The following NUTF2 variants were observed in gnomAD, a reference collection of about 807,000 sequenced individuals.
NUTF2 encodes placental protein 15.
In NUTF2, 3 loss-of-function variants were observed where a neutral mutation model predicts 18.5. That is an observed-to-expected ratio of 0.16 (90% CI 0.07 to 0.42). The LOEUF (loss-of-function observed/expected upper bound fraction) is 0.42. Among genes scored for constraint, NUTF2 ranks in the 10% least tolerant of loss-of-function variants. The pLI is 0.99. For synonymous variants in NUTF2, 51 were observed against 57.9 expected (o/e 0.88, Z 0.54); for missense variants, 44 against 160.7 (o/e 0.27, Z 3.93).
chr16:67,862,840 C>T (rs562383438), intron 1 of NUTF2, among the ~76,000 whole-genome samples: 3 of 152,250 alleles, frequency 2.0e-5, no homozygotes, highest in Admixed American at 6.5e-5. Flanking sequence ...TTTCATGCCC[C>T]GGGACATTTG....
chr16:67,847,876 T>A (rs1297782319), intron 1 of NUTF2: 2 of 152,250 alleles, frequency 1.3e-5, no homozygotes, highest in Non-Finnish European at 2.9e-5. Flanking sequence ...TTCTTGAGCC[T>A]AGTGCTAAAC....
At chr16:67,852,837 G>A (rs1425135351) in intron 1 of NUTF2, among the ~76,000 whole-genome samples, 1 of 151,308 alleles carries the variant, frequency 6.6e-6, no homozygotes, top group Non-Finnish European at 1.5e-5. Flanking sequence ...GTGCCACCAC[G>A]CCTGGCTAAT....
At chr16:67,849,510 T>C (rs2151293228) in intron 1 of NUTF2, among the ~76,000 whole-genome samples, 1 of 150,362 alleles carries the variant, frequency 6.7e-6, no homozygotes, top group Non-Finnish European at 1.5e-5. Context: ...CCTGGCTAAT[T>C]TCTGTATTTT....
intron 4 of NUTF2, among the ~76,000 whole-genome samples, chr16:67,869,571 A>C (rs2057997701): frequency 6.6e-6 from 1 of 151,430 alleles, no homozygotes; most frequent in Non-Finnish European, 1.5e-5. Flanking sequence ...AGATTACCTG[A>C]GGTCAGGAGT....
intron 1 of NUTF2, among the ~76,000 whole-genome samples, chr16:67,853,939 G>A (rs567014084): frequency 7.0e-4 from 107 of 152,196 alleles, no homozygotes; most frequent in Non-Finnish European, 1.3e-3. Context: ...CAGCCACCAC[G>A]CCTGGCCTGT....
intron 1 of NUTF2, among the ~76,000 whole-genome samples, chr16:67,855,389 C>G (rs1003275317): frequency 6.6e-6 from 1 of 152,178 alleles, no homozygotes; most frequent in African/African-American, 2.4e-5. Flanking sequence ...TGCTGGCTGA[C>G]CAGTGGCCAA....
intron 1 of NUTF2, chr16:67,855,890 G>GGGGT (rs1555495571): frequency 2.5e-6 from 1 of 396,806 alleles, no homozygotes; most frequent in African/African-American, 2.2e-5. Context: ...TTTTTGGCGG[G>GGGGT]GGGGGGGGAT....
At position 67,865,245 on chromosome 16, in the gene NUTF2, T is replaced by G; in HGVS notation, c.99+16T>G. 1.1e-5 allele frequency: 18 copies of G among 1,576,114 alleles called. No homozygotes were observed. Among genetic ancestry groups the G allele is most frequent in the Middle Eastern group, 1.7e-4 (1 of 5,914 alleles). ...CGCAATTTACGTAAGTTTCCAGCTC[T>G]AGGGCCAGAATGGACCCTAGGGGAT... On this transcript the variant is annotated intron_variant, in intron 2 of 4. Transcript: ENST00000219169.
chr16:67,857,698 G>A (rs2057907075), intron 1 of NUTF2, among the ~76,000 whole-genome samples: 2 of 152,232 alleles, frequency 1.3e-5, no homozygotes, highest in African/African-American at 2.4e-5. Context: ...AGTGGAGCAG[G>A]CTAGAGGCCA....
chr16:67,849,410 C>T (rs545233187), intron 1 of NUTF2, among the ~76,000 whole-genome samples: 39 of 152,186 alleles, frequency 2.6e-4, no homozygotes, highest in Non-Finnish European at 3.5e-4. Flanking sequence ...GGTGCGATGT[C>T]GGCTCACTGC....
At chr16:67,852,461 A>G (rs558749430) in intron 1 of NUTF2, among the ~76,000 whole-genome samples, 4 of 151,354 alleles carry the variant, frequency 2.6e-5, no homozygotes, top group East Asian at 3.9e-4. Flanking sequence ...GGTTCAAGCA[A>G]TTCTCCTGTG....
chr16:67,865,119 T>TGAC lies in NUTF2; in HGVS notation c.-10_-8dup. On this transcript the variant is annotated 5_prime_UTR_variant, in exon 2 of 5. Transcript: ENST00000219169. ...TCTTGCAGGTCTCCGTGAGGCCGGGTGACGCTCCAGAATGGGAGACAAGCC... is the reference window on the plus strand; with the variant it reads ...TCTTGCAGGTCTCCGTGAGGCCGGGTGACGACGCTCCAGAATGGGAGACAAGCC... 2 of 1,598,954 alleles carry TGAC rather than the reference T, an allele frequency of 1.3e-6. No individual in the cohort carries two copies. Among genetic ancestry groups the TGAC allele is most frequent in the Non-Finnish European group, 1.7e-6 (2 of 1,168,000 alleles).
intron 1 of NUTF2, among the ~76,000 whole-genome samples, chr16:67,850,004 C>T (rs1267044035): frequency 2.0e-5 from 3 of 151,850 alleles, no homozygotes; most frequent in Non-Finnish European, 4.4e-5. Flanking sequence ...GTTGCCCAGG[C>T]TGGTCTCAAA....
intron 2 of NUTF2, among the ~76,000 whole-genome samples, chr16:67,866,570 A>G (rs987106619): frequency 1.3e-5 from 2 of 151,754 alleles, no homozygotes; most frequent in African/African-American, 2.4e-5. Context: ...GGTTCAAGCT[A>G]TTCTCCCATC....
chr16:67,863,209 C>G (rs2057946450), intron 1 of NUTF2, among the ~76,000 whole-genome samples: 4 of 152,234 alleles, frequency 2.6e-5, no homozygotes, highest in Admixed American at 2.6e-4. Context: ...TTGTTGATTT[C>G]TTTCTTGGCA....
chr16:67,863,680 T>A (rs141703374), intron 1 of NUTF2, among the ~76,000 whole-genome samples: 1 of 152,208 alleles, frequency 6.6e-6, no homozygotes, highest in Admixed American at 6.5e-5. Context: ...TGCGAATGCT[T>A]GTCTGCTGGG....
At chr16:67,856,451 A>G (rs914971438) in intron 1 of NUTF2, among the ~76,000 whole-genome samples, 9 of 149,882 alleles carry the variant, frequency 6.0e-5, no homozygotes, top group African/African-American at 9.8e-5. Flanking sequence ...CGGCCTCCCA[A>G]AGTGCTGGGA....
intron 1 of NUTF2, among the ~76,000 whole-genome samples, chr16:67,856,472 G>A (rs1048327075): frequency 6.7e-6 from 1 of 150,024 alleles, no homozygotes; most frequent in Non-Finnish European, 1.5e-5. Context: ...TTACAGGCGT[G>A]AGCCACCATC....
chr16:67,872,107 GA>G lies in NUTF2; in HGVS notation c.*1195del, dbSNP rs2058017903. 1 of 152,296 alleles carries G rather than the reference GA, an allele frequency of 6.6e-6. No homozygotes were observed. Among genetic ancestry groups the G allele is most frequent in the Non-Finnish European group, 1.5e-5 (1 of 68,096 alleles). The allele number at this position is 152,296 out of a possible 1,614,324, so 9.4% of individuals were successfully genotyped here. A position where few individuals can be genotyped will look rare whatever the true frequency, so the allele number is the denominator to read the frequency against. On this transcript the variant is annotated 3_prime_UTR_variant, in exon 5 of 5. Coordinates refer to ENST00000219169, the MANE Select transcript of NUTF2 (RefSeq NM_005796.3). ...GCAGTTTCTGCTTCTCCATTTTGGG[GA>G]CAAAGGCCTTGCCCAGTACAAATCT...
Sources: gnomAD v4.1 joint callset for allele counts (sites outside exome capture counted in the v4.1 genomes callset) on GRCh38, gnomAD v4.1.1 for gene constraint, MANE v1.5 for transcripts, NCBI Gene and HGNC (gene_info 2026-07-23, HGNC 2026-07-21) for gene names.